PCDHA2: variants seen among roughly 807,000 people sequenced by gnomAD.
PCDHA2 encodes the protein protocadherin alpha 2.
In PCDHA2, 58 loss-of-function variants were observed where a neutral mutation model predicts 66.0. The ratio of observed to expected loss-of-function variants is 0.88; its 90% CI spans 0.71 to 1.09. The LOEUF (loss-of-function observed/expected upper bound fraction) is 1.09. Among genes scored for constraint, PCDHA2 ranks in the 50% least tolerant of loss-of-function variants. PCDHA2 has a pLI of 0.00. For synonymous variants in PCDHA2, 634 were observed against 554.0 expected, an observed-to-expected ratio of 1.14 and a Z score of -2.03; for missense variants, 1,267 against 1,242.3, an observed-to-expected ratio of 1.02 and a Z score of -0.30.
In PCDHA2 at chr5:141,009,718, A is replaced by G. The variant is rs2098413942; in HGVS notation, c.2628A>G (p.Gln876=). Residue 876 remains glutamine, a synonymous_variant, in exon 4 of 4, where the codon CAA becomes CAG. Transcript: ENST00000526136. ...TFKYGPGNPK[Q]SGPGELPDKF... ...AATACGGACCAGGCAACCCCAAACA[A>G]TCCGGTCCCGGTGAGTTGCCCGACA... The G allele has an allele frequency of 1.2e-6, 2 of 1,614,044 alleles. No homozygotes were observed. The highest frequency in any genetic ancestry group is 1.1e-5 in the South Asian group (1 of 91,052).
chr5:141,007,679 T>A (rs1362984196), intron 3 of PCDHA2, among the ~76,000 whole-genome samples: 2 of 152,186 alleles, frequency 1.3e-5, no homozygotes, highest in Admixed American at 6.5e-5. Context: ...ACAAAAGTTA[T>A]CCTACTTCCA....
chr5:140,972,919 C>T (rs1231455019), intron 1 of PCDHA2, among the ~76,000 whole-genome samples: 1 of 152,078 alleles, frequency 6.6e-6, no homozygotes, highest in African/African-American at 2.4e-5. Flanking sequence ...GCCTTGGCCT[C>T]CCAAAGTGCT....
At position 140,822,666 on chromosome 5, in the gene PCDHA2, T is replaced by C. The variant is rs1307479306; in HGVS notation, c.2388+25314T>C. On this transcript the variant is annotated intron_variant, in intron 1 of 3. Transcript: ENST00000526136. The stretch of plus-strand genomic sequence containing the variant: ...AGTCCAAATTTATAATTAATTCTAA[T>C]ACTGGTGAAATAAAAGTTAACGGGG... The C allele has an allele frequency of 3.7e-6, 6 of 1,608,450 alleles. No individual in the cohort carries two copies. In the Admixed American group the frequency reaches 1.0e-4, roughly 27 times the overall value.
intron 1 of PCDHA2, chr5:140,966,789 C>G (rs782194817): frequency 6.5e-7 from 1 of 1,528,572 alleles, no homozygotes; most frequent in East Asian, 2.4e-5. Context: ...GGCACCAGAC[C>G]TGCGGCGACA....
intron 1 of PCDHA2, among the ~76,000 whole-genome samples, chr5:140,826,325 G>T (rs1455505548): frequency 6.6e-6 from 1 of 151,996 alleles, no homozygotes; most frequent in East Asian, 1.9e-4. Context: ...GATTGTTTTT[G>T]GTTAAGAAAT....
chr5:140,989,197 C>T (rs2097332742), intron 3 of PCDHA2, among the ~76,000 whole-genome samples: 1 of 152,206 alleles, frequency 6.6e-6, no homozygotes, highest in Admixed American at 6.5e-5. Context: ...ACCCTCCCTT[C>T]TAGCTTTCTT....
chr5:140,828,101 AC>A, intron 1 of PCDHA2: 1 of 1,607,798 alleles, frequency 6.2e-7, no homozygotes, highest in East Asian at 2.2e-5. Context: ...CATGGTGTTT[AC>A]CCCGGAGGAT....
At chr5:140,842,538 C>T (rs1554139153) in intron 1 of PCDHA2, 6 of 1,611,596 alleles carry the variant, frequency 3.7e-6, no homozygotes, top group South Asian at 1.1e-5. Context: ...AATTACTACT[C>T]GTTGGTGCTG....
chr5:140,977,247 A>G (rs528974727), intron 1 of PCDHA2, among the ~76,000 whole-genome samples: 1 of 152,336 alleles, frequency 6.6e-6, no homozygotes, highest in African/African-American at 2.4e-5. Context: ...AATTGGCAAC[A>G]TTTCTCAGCA....
At chr5:140,834,451 C>T (rs1554134220) in intron 1 of PCDHA2, 2 of 1,594,820 alleles carry the variant, frequency 1.3e-6, no homozygotes, top group Admixed American at 3.4e-5. Flanking sequence ...ATTCTAGCAG[C>T]TTGGGAGGCA....
intron 1 of PCDHA2, among the ~76,000 whole-genome samples, chr5:140,917,117 C>T (rs1318149439): frequency 3.3e-5 from 5 of 152,018 alleles, no homozygotes; most frequent in South Asian, 2.1e-4. Flanking sequence ...CCTCCAAGTG[C>T]GCAGACTCCC....
At chr5:140,888,118 T>C (rs2061702019) in intron 1 of PCDHA2, among the ~76,000 whole-genome samples, 1 of 152,228 alleles carries the variant, frequency 6.6e-6, no homozygotes, top group Non-Finnish European at 1.5e-5. Context: ...TCTATCTTCT[T>C]CTATGGATAT....
intron 1 of PCDHA2, chr5:140,884,420 T>A: frequency 1.2e-6 from 2 of 1,613,972 alleles, no homozygotes; most frequent in Non-Finnish European, 8.5e-7. Context: ...GTTGCTGCTG[T>A]ATACTGCGCT....
rs1188351170 is a variant in PCDHA2, at chr5:140,929,610, T to C, written c.2389-49339T>C. 7.3e-6 allele frequency: 3 copies of C among 408,442 alleles called. No individual in the cohort carries two copies. The South Asian group carries it at 4.1e-4, about 55-fold the overall frequency. 25.3% of individuals were successfully genotyped at this position (408,442 alleles called of 1,614,324 possible). On this transcript the variant is annotated intron_variant, in intron 1 of 3. Transcript: ENST00000526136. ...TAAAGGTCTAAAATTAAAAATAAAA[T>C]ACCAAAATATTTTATAAGCAACAGA...
intron 1 of PCDHA2, chr5:140,809,633 T>C (rs1554125334): frequency 2.0e-6 from 3 of 1,504,022 alleles, no homozygotes; most frequent in South Asian, 1.4e-5. Flanking sequence ...AACTTCTTCG[T>C]AAATTTATTT....
intron 1 of PCDHA2, chr5:140,930,379 G>A (rs1249793792): frequency 1.3e-5 from 2 of 151,896 alleles, no homozygotes; most frequent in African/African-American, 2.4e-5. Context: ...GTGGCCCTTG[G>A]CATTTCAAAA....
At chr5:140,966,695 C>A in intron 1 of PCDHA2, 1 of 1,358,486 alleles carries the variant, frequency 7.4e-7, no homozygotes, top group Non-Finnish European at 9.5e-7. Flanking sequence ...AGGCGGGGCC[C>A]GGGCGTGGGG....
rs146613275 is a variant in PCDHA2, at chr5:140,871,400, C to G, written c.2388+74048C>G. ...TGCTCTGAGGAGGGCCCACCTAAGA[C>G]GGACCTCATGGCCTTCAGCCCCAGT... On this transcript the variant is annotated intron_variant, in intron 1 of 3. Transcript: ENST00000526136. The G allele has an allele frequency of 1.8e-4, 284 of 1,614,130 alleles. 1 individual carries two copies. The African/African-American group carries it at 2.8e-3, about 16-fold the overall frequency.
intron 1 of PCDHA2, chr5:140,884,544 G>T: frequency 6.2e-7 from 1 of 1,614,222 alleles, no homozygotes; most frequent in South Asian, 1.1e-5. Flanking sequence ...CCGAGGGTGT[G>T]CTCTGGGGAG....
Sources: allele counts gnomAD v4.1 joint callset (sites outside exome capture counted in the v4.1 genomes callset), GRCh38; gene constraint gnomAD v4.1.1; transcripts MANE v1.5; gene names NCBI Gene and HGNC (gene_info 2026-07-23, HGNC 2026-07-21).